GARIN2: variants seen among roughly 807,000 people sequenced by gnomAD.
GARIN2 encodes golgi associated RAB2 interactor family member 2.
chr14:67,218,481 T>C, the GARIN2 span, among the ~76,000 whole-genome samples: 1 of 152,102 alleles, frequency 6.6e-6, no homozygotes, highest in African/African-American at 2.4e-5. Context: ...AGGCCTGATA[T>C]GTGGATACAG....
chr14:67,225,758 C>G, the GARIN2 span, among the ~76,000 whole-genome samples: 1 of 152,130 alleles, frequency 6.6e-6, no homozygotes, highest in Admixed American at 6.5e-5. Flanking sequence ...TGGCCCTGGC[C>G]TACTGTATTC....
At chr14:67,212,320 C>CAGAAGCTCTTTAGTTTAATTAGATCCCA in the GARIN2 span, among the ~76,000 whole-genome samples, 1 of 151,844 alleles carries the variant, frequency 6.6e-6, no homozygotes, top group Non-Finnish European at 1.5e-5. Context: ...AAAAATGTAT[C>CAGAAGCTCTTTAGTTTAATTAGATCCCA]TTAGGGCCAG....
At chr14:67,225,488 G>A in the GARIN2 span, among the ~76,000 whole-genome samples, 1 of 152,170 alleles carries the variant, frequency 6.6e-6, no homozygotes, top group South Asian at 2.1e-4. Flanking sequence ...AGGGCTTCAG[G>A]TGAGGCACTG....
chr14:67,207,799 T>C, the GARIN2 span, among the ~76,000 whole-genome samples: 1 of 152,168 alleles, frequency 6.6e-6, no homozygotes, highest in Non-Finnish European at 1.5e-5. Flanking sequence ...ATTTCTTTTA[T>C]ATTATGAGCC....
At chr14:67,211,614 T>A in the GARIN2 span, among the ~76,000 whole-genome samples, 3 of 152,192 alleles carry the variant, frequency 2.0e-5, no homozygotes, top group African/African-American at 7.2e-5. Context: ...AATTTTACTA[T>A]TAGGTAATAT....
the GARIN2 span, chr14:67,204,659 A>G: frequency 6.2e-7 from 1 of 1,613,902 alleles, no homozygotes; most frequent in Non-Finnish European, 8.5e-7. Context: ...TATAAACAGG[A>G]CACCTTGTTT....
chr14:67,200,116 C>T, the GARIN2 span: 2 of 1,052,332 alleles, frequency 1.9e-6, no homozygotes, highest in East Asian at 2.4e-5. Flanking sequence ...GGGCATGCCC[C>T]CCCGAAGGCC....
chr14:67,190,532 A>T, the GARIN2 span, among the ~76,000 whole-genome samples: 1 of 152,196 alleles, frequency 6.6e-6, no homozygotes, highest in Non-Finnish European at 1.5e-5. Context: ...CTGTTTTGAA[A>T]TTTTGATTTT....
chr14:67,227,179 C>T, the GARIN2 span, among the ~76,000 whole-genome samples: 12 of 152,000 alleles, frequency 7.9e-5, no homozygotes, highest in Non-Finnish European at 1.5e-4. Flanking sequence ...TGGTGGCTCA[C>T]GCCTGTAATC....
At chr14:67,227,044 C>G in the GARIN2 span, among the ~76,000 whole-genome samples, 1 of 152,160 alleles carries the variant, frequency 6.6e-6, no homozygotes, top group Non-Finnish European at 1.5e-5. Flanking sequence ...TGGATATATT[C>G]AGCAACAAAA....
At chr14:67,221,820 T>C in the GARIN2 span, 3 of 1,612,520 alleles carry the variant, frequency 1.9e-6, no homozygotes, top group Non-Finnish European at 1.7e-6. Context: ...ATGGAACAAA[T>C]TCCACTACAT....
At chr14:67,225,162 G>A in the GARIN2 span, 1 of 1,583,538 alleles carries the variant, frequency 6.3e-7, no homozygotes, top group Non-Finnish European at 8.6e-7. Flanking sequence ...CCTCAAACTT[G>A]TGCCTCATCT....
At chr14:67,202,976 A>G in the GARIN2 span, 1 of 1,099,738 alleles carries the variant, frequency 9.1e-7, no homozygotes, top group Non-Finnish European at 1.3e-6. Flanking sequence ...GAAGGAACAA[A>G]TATATCATGG....
chr14:67,223,696 A>G, the GARIN2 span: 2 of 962,228 alleles, frequency 2.1e-6, no homozygotes, highest in African/African-American at 3.5e-5. Flanking sequence ...TCTCTTATGT[A>G]TTTCTTATTT....
At chr14:67,199,017 A>C in the GARIN2 span, 129 of 712,066 alleles carry the variant, frequency 1.8e-4, no homozygotes, top group Non-Finnish European at 6.2e-5. Flanking sequence ...GGAGGACAAC[A>C]GACACTTCAA....
At chr14:67,203,403 G>T in the GARIN2 span, 1 of 837,682 alleles carries the variant, frequency 1.2e-6, no homozygotes, top group Non-Finnish European at 1.8e-6. Flanking sequence ...CATGTTACTC[G>T]CACTCCCTGC....
chr14:67,201,975 C>A, the GARIN2 span, among the ~76,000 whole-genome samples: 26 of 152,200 alleles, frequency 1.7e-4, no homozygotes, highest in Admixed American at 1.5e-3. Context: ...TGCCTGGAAA[C>A]CTCTCCTCTC....
At chr14:67,189,791 G>A in the GARIN2 span, 1 of 150,236 alleles carries the variant, frequency 6.7e-6, no homozygotes, top group African/African-American at 2.4e-5. Context: ...TAATTTCATT[G>A]AGAGTTTGAG....
the GARIN2 span, chr14:67,225,202 G>A: frequency 6.5e-7 from 1 of 1,545,534 alleles, no homozygotes; most frequent in Non-Finnish European, 8.7e-7. Context: ...GAATGAATGT[G>A]AGGAAAGAAA....
Sources: allele counts gnomAD v4.1 joint callset (sites outside exome capture counted in the v4.1 genomes callset), GRCh38; gene constraint gnomAD v4.1.1; transcripts MANE v1.5; gene names NCBI Gene and HGNC (gene_info 2026-07-23, HGNC 2026-07-21).